The following NFIC variants were observed in gnomAD, a reference collection of about 807,000 sequenced individuals.
NFIC encodes nuclear factor 1 C-type.
In NFIC, 12 loss-of-function variants were observed where a neutral mutation model predicts 54.4. The observed-to-expected ratio is 0.22, with a 90% CI of 0.14 to 0.36. The LOEUF is 0.36. Among genes scored for constraint, NFIC ranks in the 10% least tolerant of loss-of-function variants. NFIC has a pLI of 1.00. For missense variants in NFIC, 575 were observed against 718.2 expected (o/e 0.80, Z 2.28); for synonymous variants, 322 against 319.2 (o/e 1.01, Z -0.09).
At chr19:3,424,968 C>T in intron 2 of NFIC, 138 bp from the exon 3 acceptor site, 1 of 814,204 alleles carries the variant, frequency 1.2e-6, no homozygotes. Flanking sequence ...ACCCCAGGGC[C>T]TGGGTGTGTT....
chr19:3,395,783 C>T (rs757540788), intron 2 of NFIC, among the ~76,000 whole-genome samples: 47 of 152,158 alleles, frequency 3.1e-4, no homozygotes, highest in East Asian at 7.7e-4. Flanking sequence ...CGGGTTCAAG[C>T]GATTCTCCTG....
In NFIC at chr19:3,463,106, C is replaced by A; in HGVS notation, c.*337C>A. ...CGGGAGACCCGGGACAGGGCGTCTT[C>A]CTAAGTTATTCATCTCCTCTCCGCC... is the stretch of plus-strand genomic sequence containing the variant. On this transcript the variant is annotated 3_prime_UTR_variant, in exon 11 of 11. Coordinates refer to ENST00000443272, the MANE Select transcript of NFIC (RefSeq NM_001245002.2). 2 of 1,231,834 alleles carry A rather than the reference C, an allele frequency of 1.6e-6. No individual in the cohort carries two copies. Among genetic ancestry groups the A allele is most frequent in the Non-Finnish European group, 2.0e-6 (2 of 983,714 alleles). 76.3% of individuals were successfully genotyped at this position (1,231,834 alleles called of 1,614,324 possible). A position where few individuals can be genotyped will look rare whatever the true frequency, so the allele number is the denominator to read the frequency against.
chr19:3,399,710 A>G (rs1362223001), intron 2 of NFIC, among the ~76,000 whole-genome samples: 1 of 152,144 alleles, frequency 6.6e-6, no homozygotes, highest in Admixed American at 6.6e-5. Flanking sequence ...CGTCTCTACT[A>G]AAAATACAAA....
chr19:3,366,517 G>A, upstream of NFIC: 1 of 474,504 alleles, frequency 2.1e-6, no homozygotes, highest in Non-Finnish European at 3.4e-6. Context: ...GGCGAGGAGA[G>A]CGCGCCGGCC....
At chr19:3,394,808 G>A (rs2081436942) in intron 2 of NFIC, among the ~76,000 whole-genome samples, 1 of 151,922 alleles carries the variant, frequency 6.6e-6, no homozygotes, top group African/African-American at 2.4e-5. Flanking sequence ...GAACCCCATG[G>A]TGAACTGAAC....
At chr19:3,382,975 C>T (rs2081237703) in intron 2 of NFIC, among the ~76,000 whole-genome samples, 1 of 150,838 alleles carries the variant, frequency 6.6e-6, no homozygotes, top group South Asian at 2.1e-4. Context: ...TGTGGCGCTC[C>T]AATGGTAGAG....
chr19:3,464,759 G>C lies in NFIC; in HGVS notation c.*1990G>C, dbSNP rs2082694428. ...CAGGACCCTCCCCCATCACCCCCAA[G>C]AGAGGTTCGCCATCCTCTGGCCTCG... On this transcript the variant is annotated 3_prime_UTR_variant, in exon 11 of 11. Coordinates refer to ENST00000443272, the MANE Select transcript of NFIC (RefSeq NM_001245002.2). 1.3e-5 allele frequency: 13 copies of C among 975,608 alleles called. No homozygotes were observed. The South Asian group carries it at 4.3e-4, about 32-fold the overall frequency. The allele number at this position is 975,608 out of a possible 1,614,324, so 60.4% of individuals were successfully genotyped here. A position where few individuals can be genotyped will look rare whatever the true frequency, so the allele number is the denominator to read the frequency against.
intron 10 of NFIC, among the ~76,000 whole-genome samples, chr19:3,461,291 A>G (rs1018902870): frequency 1.1e-4 from 16 of 149,288 alleles, no homozygotes; most frequent in Non-Finnish European, 2.2e-4. Flanking sequence ...GATGTGGTGG[A>G]ACATACCTGT....
chr19:3,398,796 G>C (rs571845121), intron 2 of NFIC, among the ~76,000 whole-genome samples: 2 of 152,330 alleles, frequency 1.3e-5, no homozygotes, highest in East Asian at 3.9e-4. Context: ...GCTTACATAA[G>C]GGGAGGCCGG....
chr19:3,362,976 A>G (rs561507648), upstream of NFIC, among the ~76,000 whole-genome samples: 21 of 151,908 alleles, frequency 1.4e-4, no homozygotes, highest in Non-Finnish European at 2.4e-4. Flanking sequence ...TTTTCCTTTA[A>G]TTACTGAAGC....
chr19:3,400,043 T>G (rs954938630), intron 2 of NFIC, among the ~76,000 whole-genome samples: 2 of 151,360 alleles, frequency 1.3e-5, no homozygotes, highest in Non-Finnish European at 2.9e-5. Flanking sequence ...ACAAAAGAGT[T>G]TAGGACAGCA....
chr19:3,420,669 G>C (rs2081940258), intron 2 of NFIC, among the ~76,000 whole-genome samples: 1 of 152,074 alleles, frequency 6.6e-6, no homozygotes, highest in Non-Finnish European at 1.5e-5. Flanking sequence ...CCCTCTGCCT[G>C]GTGAAGCACT....
At position 3,426,429 on chromosome 19, in the gene NFIC, G is replaced by C. The variant is rs368222952; in HGVS notation, c.634+1252G>C. Among the ~76,000 whole-genome samples, 20 of 152,142 alleles carry C rather than the reference G, an allele frequency of 1.3e-4. No individual in the cohort carries two copies. The East Asian group carries it at 3.9e-3, about 29-fold the overall frequency. On this transcript the variant is annotated intron_variant, in intron 3 of 10. Coordinates refer to ENST00000443272, the MANE Select transcript of NFIC (RefSeq NM_001245002.2). ...AGGACAGTGTAATTCTATGTTGTAG[G>C]GATAGGAAGTGGGAAAATTAACCTC...
At chr19:3,431,500 C>T (rs1336096608) in intron 3 of NFIC, among the ~76,000 whole-genome samples, 1 of 151,218 alleles carries the variant, frequency 6.6e-6, no homozygotes, top group Non-Finnish European at 1.5e-5. Flanking sequence ...TCCCAAGTAG[C>T]TGGGACTACA....
chr19:3,424,501 C>T (rs2145602432), intron 2 of NFIC, among the ~76,000 whole-genome samples: 1 of 152,230 alleles, frequency 6.6e-6, no homozygotes, highest in East Asian at 1.9e-4. Flanking sequence ...CTCAGTCTCC[C>T]AAGTAGCTGG....
chr19:3,370,744 T>TTC lies in NFIC; in HGVS notation c.30+4088_30+4089dup, dbSNP rs1334521458. Among the ~76,000 whole-genome samples, 7 of 151,482 alleles carry TTC rather than the reference T, an allele frequency of 4.6e-5. No individual in the cohort carries two copies. In the East Asian group the frequency reaches 1.4e-3, roughly 29 times the overall value. On this transcript the variant is annotated intron_variant, in intron 1 of 10. Transcript: ENST00000443272. The surrounding 1 kb of genome is among the most constrained non-coding windows in gnomAD (Gnocchi z 5.2). ...CCTCTCTCTCTGTTCCTCCTCTTCT[T>TTC]TCTCTCTCTCTGTCTCTCTGAGCTG...
intron 3 of NFIC, among the ~76,000 whole-genome samples, chr19:3,432,449 G>C (rs1225677190): frequency 6.6e-6 from 1 of 152,142 alleles, no homozygotes; most frequent in African/African-American, 2.4e-5. Context: ...AGAAGAACAA[G>C]AAGCCAGAGT....
intron 3 of NFIC, among the ~76,000 whole-genome samples, chr19:3,428,998 CA>C (rs750608357): frequency 6.6e-6 from 1 of 151,920 alleles, no homozygotes; most frequent in South Asian, 2.1e-4. Context: ...ATGACTGTAA[CA>C]GGGGGCCGGG....
chr19:3,425,691 C>T (rs2082016654), intron 3 of NFIC, among the ~76,000 whole-genome samples: 1 of 151,796 alleles, frequency 6.6e-6, no homozygotes, highest in Admixed American at 6.6e-5. Context: ...AACTCCTGAC[C>T]TCAGGTGATC....
Sources: gnomAD v4.1 joint callset for allele counts (sites outside exome capture counted in the v4.1 genomes callset) on GRCh38, gnomAD v4.1.1 for gene constraint, Gnocchi (gnomAD v3.1) non-coding constraint, MANE v1.5 for transcripts, NCBI Gene and HGNC (gene_info 2026-07-23, HGNC 2026-07-21) for gene names.